Variants in PRKCB observed in about 807,000 individuals in gnomAD.
PRKCB encodes protein kinase C beta type.
In PRKCB, 13 loss-of-function variants were observed where a neutral mutation model predicts 81.5. The observed-to-expected ratio is 0.16, with a 90% CI of 0.10 to 0.25. The LOEUF (loss-of-function observed/expected upper bound fraction) is 0.25. Ranked by LOEUF, PRKCB falls within the 10% of genes least tolerant of loss-of-function variation. PRKCB has a pLI of 1.00. For missense variants in PRKCB, 509 were observed against 875.7 expected (o/e 0.58, Z 5.29); for synonymous variants, 335 against 321.4 (o/e 1.04, Z -0.45).
chr16:24,144,049 T>G lies in PRKCB; in HGVS notation c.1066-10635T>G, dbSNP rs77289213. 8.3e-3 allele frequency among the ~76,000 whole-genome samples: 1,261 copies of G among 152,300 alleles called. 17 individuals carry two copies. Among genetic ancestry groups the G allele is most frequent in the Middle Eastern group, 0.037 (11 of 294 alleles). ...TTTTCTCCTCAAAAAACGATTTTCA[T>G]TATAGAAAATATGAATTTTGTTATG... On this transcript the variant is annotated intron_variant, in intron 9 of 16. Coordinates refer to ENST00000643927, the MANE Select transcript of PRKCB (RefSeq NM_002738.7).
chr16:24,053,834 G>C (rs879533415), intron 5 of PRKCB, among the ~76,000 whole-genome samples: 1 of 152,204 alleles, frequency 6.6e-6, no homozygotes, highest in Admixed American at 6.5e-5. Context: ...GTCAAGGGAA[G>C]GGAGCAGGAG....
At chr16:23,983,163 A>G (rs1964760340) in intron 2 of PRKCB, among the ~76,000 whole-genome samples, 5 of 151,928 alleles carry the variant, frequency 3.3e-5, no homozygotes, top group Admixed American at 2.0e-4. Flanking sequence ...TGAATTTGCC[A>G]AATAGAAATG....
chr16:23,989,822 C>T (rs1417584972), intron 3 of PRKCB, among the ~76,000 whole-genome samples: 1 of 152,072 alleles, frequency 6.6e-6, no homozygotes, highest in Non-Finnish European at 1.5e-5. Flanking sequence ...GCTAAAAATG[C>T]CTAATACTTG....
chr16:24,021,008 CTT>C (rs1363268592), intron 3 of PRKCB, among the ~76,000 whole-genome samples: 4 of 141,374 alleles, frequency 2.8e-5, no homozygotes, highest in African/African-American at 8.2e-5. Flanking sequence ...TTCTTTCTTT[CTT>C]TCTTTCTTTC....
At chr16:23,969,685 A>T (rs1964531502) in intron 2 of PRKCB, among the ~76,000 whole-genome samples, 1 of 152,158 alleles carries the variant, frequency 6.6e-6, no homozygotes, top group African/African-American at 2.4e-5. Flanking sequence ...CATCATCATC[A>T]TTATCATCAT....
intron 3 of PRKCB, among the ~76,000 whole-genome samples, chr16:24,021,011 T>C (rs1182752007): frequency 7.2e-6 from 1 of 137,942 alleles, no homozygotes; most frequent in Non-Finnish European, 1.6e-5. Context: ...TTTCTTTCTT[T>C]CTTTCTTTCT....
At chr16:24,021,153 TCCTC>T (rs1420883943) in intron 3 of PRKCB, among the ~76,000 whole-genome samples, 1 of 130,386 alleles carries the variant, frequency 7.7e-6, no homozygotes, top group African/African-American at 2.8e-5. Flanking sequence ...TTCTTTCTTT[TCCTC>T]CCTCCCTCTC....
chr16:23,943,918 A>G (rs757080955), intron 2 of PRKCB, among the ~76,000 whole-genome samples: 1 of 152,208 alleles, frequency 6.6e-6, no homozygotes, highest in African/African-American at 2.4e-5. Context: ...GGAAGGCACC[A>G]GGTCCCTGGA....
intron 2 of PRKCB, among the ~76,000 whole-genome samples, chr16:23,840,051 G>A (rs760039106): frequency 6.6e-6 from 1 of 152,146 alleles, no homozygotes; most frequent in African/African-American, 2.4e-5. Context: ...GGAGGAGTGA[G>A]GGGAGGGGCA....
At chr16:23,900,858 T>C (rs1963461085) in intron 2 of PRKCB, among the ~76,000 whole-genome samples, 1 of 151,326 alleles carries the variant, frequency 6.6e-6, no homozygotes, top group African/African-American at 2.4e-5. Context: ...TGGACACACA[T>C]GTGCAAGTAC....
In PRKCB at chr16:24,198,706, T is replaced by C. The variant is rs145827715; in HGVS notation, c.1863+7476T>C. Among the ~76,000 whole-genome samples, 279 of 152,262 alleles carry C rather than the reference T, an allele frequency of 1.8e-3. 1 individual carries two copies. The highest frequency in any genetic ancestry group is 6.4e-3 in the African/African-American group (265 of 41,546). ...CCCAGTAGTAAACATGGCTCTAGTA[T>C]TCTTTTAAAATATTATCAATCAGAT... On this transcript the variant is annotated intron_variant, in intron 16 of 16. Transcript: ENST00000643927.
At chr16:24,004,764 CCA>C (rs1965093974) in intron 3 of PRKCB, among the ~76,000 whole-genome samples, 1 of 152,148 alleles carries the variant, frequency 6.6e-6, no homozygotes, top group Non-Finnish European at 1.5e-5. Context: ...AGCAAATTTT[CCA>C]TACATATCCA....
At chr16:24,176,659 G>T (rs1036031732) in intron 12 of PRKCB, among the ~76,000 whole-genome samples, 2 of 152,142 alleles carry the variant, frequency 1.3e-5, no homozygotes, top group Admixed American at 1.3e-4. Context: ...TAGGGAGGCC[G>T]AGGCAGGCGG....
intron 2 of PRKCB, among the ~76,000 whole-genome samples, chr16:23,874,890 T>C (rs2141102254): frequency 6.6e-6 from 1 of 152,334 alleles, no homozygotes; most frequent in South Asian, 2.1e-4. Context: ...ACTTGTAAAT[T>C]GGGTTTCTGG....
intron 3 of PRKCB, among the ~76,000 whole-genome samples, chr16:24,029,038 G>T (rs1021478368): frequency 6.6e-6 from 1 of 152,018 alleles, no homozygotes; most frequent in Non-Finnish European, 1.5e-5. Flanking sequence ...CGATCTGCCC[G>T]CCTCGGCCTC....
chr16:24,163,477 C>A (rs1329423684), intron 10 of PRKCB, among the ~76,000 whole-genome samples: 2 of 152,184 alleles, frequency 1.3e-5, no homozygotes, highest in Non-Finnish European at 2.9e-5. Context: ...TCTCTGTTTT[C>A]TTGATGGTGG....
chr16:23,937,129 C>T (rs930348560), intron 2 of PRKCB, among the ~76,000 whole-genome samples: 4 of 152,162 alleles, frequency 2.6e-5, no homozygotes, highest in African/African-American at 9.7e-5. Flanking sequence ...AGCTGCAGTT[C>T]TCCTAGGGCC....
chr16:23,882,021 TCTTCCTTCCTTCCTTC>T lies in PRKCB; in HGVS notation c.205+44636_205+44651del, dbSNP rs1159121217. Among the ~76,000 whole-genome samples the T allele has an allele frequency of 5.0e-4, 28 of 55,636 alleles. 1 individual carries two copies. The highest frequency in any genetic ancestry group is 1.6e-3 in the African/African-American group (27 of 16,912). The allele number at this position is 55,636 out of a possible 152,430, so 36.5% of individuals were successfully genotyped here. A position where few individuals can be genotyped will look rare whatever the true frequency, so the allele number is the denominator to read the frequency against. ...TTCTTTCTTTCTTTCTTTCTTTCTT[TCTTCCTTCCTTCCTTC>T]CTTCCTTCCTTCCTTCCTTCTTCCT... is the stretch of plus-strand genomic sequence containing the variant. On this transcript the variant is annotated intron_variant, in intron 2 of 16. Transcript: ENST00000643927.
chr16:24,096,662 A>ATAT (rs1403282872), intron 7 of PRKCB, among the ~76,000 whole-genome samples: 179 of 40,196 alleles, frequency 4.5e-3, no homozygotes, highest in Middle Eastern at 0.016. Context: ...CAAAAAAAAA[A>ATAT]AAAAATATAT....
Sources: gnomAD v4.1 joint callset for allele counts (sites outside exome capture counted in the v4.1 genomes callset) on GRCh38, gnomAD v4.1.1 for gene constraint, MANE v1.5 for transcripts, NCBI Gene and HGNC (gene_info 2026-07-23, HGNC 2026-07-21) for gene names.